Variants in GLG1 observed in about 807,000 individuals in gnomAD.
GLG1 encodes the protein Golgi apparatus protein 1.
In GLG1, 38 loss-of-function variants were observed where a neutral mutation model predicts 160.5. That is an observed-to-expected ratio of 0.24 (90% confidence interval 0.18 to 0.31). The LOEUF (loss-of-function observed/expected upper bound fraction) is 0.31, where lower values mean the gene tolerates loss of function less well. GLG1 is among the 10% of genes least tolerant of loss of function. GLG1 has a pLI of 1.00. For missense variants in GLG1, 1,373 were observed against 1,505.2 expected, an observed-to-expected ratio of 0.91 and a Z score of 1.45; for synonymous variants, 644 against 543.4, an observed-to-expected ratio of 1.19 and a Z score of -2.57.
intron 3 of GLG1, among the ~76,000 whole-genome samples, chr16:74,504,162 G>C (rs1649158284): frequency 6.6e-6 from 1 of 152,076 alleles, no homozygotes; most frequent in Non-Finnish European, 1.5e-5. Context: ...TTGACAAACA[G>C]GTGCAAAAGT....
At chr16:74,550,247 AAG>A (rs2018161405) in intron 1 of GLG1, among the ~76,000 whole-genome samples, 1 of 152,202 alleles carries the variant, frequency 6.6e-6, no homozygotes, top group African/African-American at 2.4e-5. Flanking sequence ...GAAGTTGAGT[AAG>A]AGAGTCCATG....
intron 1 of GLG1, among the ~76,000 whole-genome samples, chr16:74,557,926 T>C (rs1482732784): frequency 6.6e-6 from 1 of 152,078 alleles, no homozygotes; most frequent in African/African-American, 2.4e-5. Flanking sequence ...GAGGGGATAA[T>C]GAGTCCTTTT....
At chr16:74,509,473 A>C (rs1254044555) in intron 2 of GLG1, among the ~76,000 whole-genome samples, 1 of 152,014 alleles carries the variant, frequency 6.6e-6, no homozygotes, top group Non-Finnish European at 1.5e-5. Context: ...CACAATCAAC[A>C]GTGCTTTCAT....
chr16:74,533,089 G>A (rs962046673), intron 1 of GLG1, among the ~76,000 whole-genome samples: 4 of 152,188 alleles, frequency 2.6e-5, no homozygotes, highest in Non-Finnish European at 4.4e-5. Context: ...GGGAGGCTGA[G>A]GTGGGCGGAT....
intron 1 of GLG1, among the ~76,000 whole-genome samples, chr16:74,536,598 G>C (rs182390314): frequency 1.3e-5 from 2 of 152,352 alleles, no homozygotes; most frequent in Admixed American, 6.5e-5. Context: ...CCAAAAAGGA[G>C]TGGAGTGATT....
At chr16:74,490,945 A>T (rs765605440) in intron 8 of GLG1, 56 bp downstream of exon 8, 2 of 1,211,222 alleles carry the variant, frequency 1.7e-6, no homozygotes, top group Non-Finnish European at 2.4e-6. Flanking sequence ...CATCAGGAAG[A>T]GGCTCTTCAG....
Position 74,491,867 on chromosome 16 carries a change from T to C in GLG1, c.1235-652A>G, listed in dbSNP as rs193117523. The stretch of plus-strand genomic sequence containing the variant: ...TGGTCTCGATCTCCTGACCTCGTGA[T>C]CTGCCTACCTCGGCCTCCCAAAGTG... On this transcript the variant is annotated intron_variant, in intron 7 of 25. Transcript: ENST00000422840. Among the ~76,000 whole-genome samples, 1,389 of 151,674 alleles carry C rather than the reference T, an allele frequency of 9.2e-3. 16 individuals carry two copies. The highest frequency in any genetic ancestry group is 0.014 in the Non-Finnish European group (945 of 67,880).
intron 2 of GLG1, among the ~76,000 whole-genome samples, chr16:74,523,099 A>G (rs998520918): frequency 3.8e-4 from 58 of 152,232 alleles, no homozygotes; most frequent in Admixed American, 3.8e-3. Flanking sequence ...TTCTGGGTAC[A>G]TAGTAGGTGT....
rs974386887 is a variant in GLG1, at chr16:74,532,254, A to G, written c.439-101T>C. On this transcript the variant is annotated intron_variant, in intron 1 of 25. Coordinates refer to ENST00000422840, the MANE Select transcript of GLG1 (RefSeq NM_001145667.2). ...TTCAAACACCACCAAAATAAACTCA[A>G]AACAAGAAATCTGAATATTCAACCA... 7.6e-6 allele frequency: 3 copies of G among 397,206 alleles called. No individual in the cohort carries two copies. In the Admixed American group the frequency reaches 1.3e-4, roughly 18 times the overall value. 24.6% of individuals were successfully genotyped at this position (397,206 alleles called of 1,614,324 possible). A position where few individuals can be genotyped will look rare whatever the true frequency, so the allele number is the denominator to read the frequency against.
chr16:74,454,670 A>ACC (rs1567451803), intron 25 of GLG1, among the ~76,000 whole-genome samples: 87 of 61,660 alleles, frequency 1.4e-3, no homozygotes, highest in South Asian at 3.0e-3. Flanking sequence ...CGTCCCCAAA[A>ACC]AAAAAAAAAA....
intron 1 of GLG1, among the ~76,000 whole-genome samples, chr16:74,585,003 TAAAG>T (rs1230471604): frequency 6.6e-6 from 1 of 152,182 alleles, no homozygotes; most frequent in African/African-American, 2.4e-5. Context: ...AAATCACCAC[TAAAG>T]AAAGAACTTA....
chr16:74,513,416 TG>T (rs1283197045), intron 2 of GLG1, among the ~76,000 whole-genome samples: 27 of 152,034 alleles, frequency 1.8e-4, no homozygotes, highest in Non-Finnish European at 3.7e-4. Flanking sequence ...TACAGGCAGG[TG>T]CCCCTCTGGG....
At chr16:74,532,402 G>A (rs1193544525) in intron 1 of GLG1, among the ~76,000 whole-genome samples, 2 of 152,068 alleles carry the variant, frequency 1.3e-5, no homozygotes, top group Non-Finnish European at 1.5e-5. Flanking sequence ...GTGAAGATGG[G>A]GAGAATGGAG....
rs549266078 is a variant in GLG1, at chr16:74,517,491, C to A, written c.472-8566G>T. ...AGATGCAGAAAAGGCCTTTGACAAA[C>A]TTCAACAGCCTTGCAAACTAAAAAC... On this transcript the variant is annotated intron_variant, in intron 2 of 25. Coordinates refer to ENST00000422840, the MANE Select transcript of GLG1 (RefSeq NM_001145667.2). Among the ~76,000 whole-genome samples the A allele has an allele frequency of 9.4e-4, 143 of 152,268 alleles. 1 individual carries two copies. The highest frequency in any genetic ancestry group is 2.6e-4 in the Non-Finnish European group (18 of 68,014).
chr16:74,605,603 A>T (rs970163512), intron 1 of GLG1, among the ~76,000 whole-genome samples: 4 of 152,064 alleles, frequency 2.6e-5, no homozygotes, highest in Admixed American at 2.6e-4. Flanking sequence ...CTGCTTATGT[A>T]TGTCTTTTCC....
chr16:74,552,713 A>C, intron 1 of GLG1: 1 of 169,038 alleles, frequency 5.9e-6, no homozygotes, highest in East Asian at 1.9e-4. Context: ...TTAGAAGCAG[A>C]TTTGGTTGTG....
Position 74,459,789 on chromosome 16 carries a change from T to C in GLG1, c.3037A>G (p.Ile1013Val). 6.4e-7 allele frequency: 1 copy of C among 1,558,372 alleles called. No homozygotes were observed. Among genetic ancestry groups the C allele is most frequent in the East Asian group, 2.2e-5 (1 of 44,592 alleles). Residue 1013 changes from isoleucine (I) to valine (V), a missense_variant and splice_region_variant, in exon 23 of 26, where the codon ATC becomes GTC. By Grantham distance (29) the Ile-to-Val change is conservative. Transcript: ENST00000422840. ...GCTTCTTCAGCACATAGACTGGAGA[T>C]CTGTTCAGGAGACACAAAAAACAAA... ...PQLQLHCSDE[I>V]SSLCAEEAAA...
intron 8 of GLG1, among the ~76,000 whole-genome samples, chr16:74,487,918 A>T (rs1466446689): frequency 6.8e-6 from 1 of 147,934 alleles, no homozygotes; most frequent in Admixed American, 6.6e-5. Context: ...ACATGATTAT[A>T]CACCTATTCC....
intron 1 of GLG1, among the ~76,000 whole-genome samples, chr16:74,532,824 GC>G (rs2017581859): frequency 6.6e-6 from 1 of 152,142 alleles, no homozygotes; most frequent in Admixed American, 6.5e-5. Flanking sequence ...ACCGTTCCCA[GC>G]CCCCATCAAT....
Sources: allele counts gnomAD v4.1 joint callset (sites outside exome capture counted in the v4.1 genomes callset), GRCh38; gene constraint gnomAD v4.1.1; transcripts MANE v1.5; gene names NCBI Gene and HGNC (gene_info 2026-07-23, HGNC 2026-07-21).